The following PTGFRN variants were observed in gnomAD, a reference collection of about 807,000 sequenced individuals.
The protein encoded by PTGFRN is prostaglandin F2 receptor negative regulator.
A neutral mutation model predicts 83.2 loss-of-function variants in PTGFRN; 35 were observed. The ratio of observed to expected loss-of-function variants is 0.42; its 90% CI spans 0.32 to 0.56. The LOEUF (loss-of-function observed/expected upper bound fraction) is 0.56, where lower values mean the gene tolerates loss of function less well. Among genes scored for constraint, PTGFRN ranks in the 20% least tolerant of loss-of-function variants. PTGFRN has a pLI of 0.11. For missense variants in PTGFRN, 1,051 were observed against 1,179.5 expected, an observed-to-expected ratio of 0.89 and a Z score of 1.60; for synonymous variants, 519 against 498.6, an observed-to-expected ratio of 1.04 and a Z score of -0.55.
intron 1 of PTGFRN, among the ~76,000 whole-genome samples, chr1:116,913,109 C>T (rs983922106): frequency 3.3e-5 from 5 of 152,264 alleles, no homozygotes; most frequent in Admixed American, 6.5e-5. Context: ...TCTCCCTGAG[C>T]GGCTGGTGGG....
intron 3 of PTGFRN, among the ~76,000 whole-genome samples, chr1:116,947,539 G>A (rs938301355): frequency 5.3e-5 from 8 of 152,192 alleles, no homozygotes; most frequent in Non-Finnish European, 1.2e-4. Context: ...AAATTACAAA[G>A]TGAACTACAC....
intron 3 of PTGFRN, among the ~76,000 whole-genome samples, chr1:116,946,715 C>A (rs1176073053): frequency 6.6e-6 from 1 of 152,104 alleles, no homozygotes; most frequent in Non-Finnish European, 1.5e-5. Context: ...AACCTACAGA[C>A]CTTTTCTCAG....
At chr1:116,968,149 G>A (rs1022478862) in intron 6 of PTGFRN, among the ~76,000 whole-genome samples, 2 of 152,148 alleles carry the variant, frequency 1.3e-5, no homozygotes, top group African/African-American at 4.8e-5. Context: ...GAATATGAAT[G>A]CAAAGGATTA....
chr1:116,949,594 T>C, intron 4 of PTGFRN, 22 bp downstream of exon 4: 3 of 1,595,060 alleles, frequency 1.9e-6, no homozygotes, highest in Non-Finnish European at 2.6e-6. Flanking sequence ...GGAGAATGAC[T>C]CTTAACCTCT....
chr1:116,917,224 C>T (rs781698798), intron 1 of PTGFRN, among the ~76,000 whole-genome samples: 6 of 152,148 alleles, frequency 3.9e-5, no homozygotes, highest in Admixed American at 2.0e-4. Flanking sequence ...GAGTCAGAAA[C>T]GATCGCCCAC....
At chr1:116,967,401 A>C in intron 6 of PTGFRN, 71 bp downstream of exon 6, 1 of 1,456,162 alleles carries the variant, frequency 6.9e-7, no homozygotes, top group Non-Finnish European at 9.3e-7. Flanking sequence ...AGATGCCCTC[A>C]TTTTTTAAAA....
At chr1:116,967,429 A>G (rs1650873297) in intron 6 of PTGFRN, 99 bp downstream of exon 6, 3 of 1,220,522 alleles carry the variant, frequency 2.5e-6, no homozygotes, top group East Asian at 2.4e-5. Flanking sequence ...GTTAAGATGC[A>G]ATTCATATGC....
At chr1:116,924,080 G>A (rs1251358736) in intron 1 of PTGFRN, among the ~76,000 whole-genome samples, 2 of 151,814 alleles carry the variant, frequency 1.3e-5, no homozygotes, top group Non-Finnish European at 2.9e-5. Flanking sequence ...TGCAGAAAAG[G>A]TAAGTATGAT....
At chr1:116,939,821 AT>A (rs1650017266) in intron 1 of PTGFRN, among the ~76,000 whole-genome samples, 1 of 152,190 alleles carries the variant, frequency 6.6e-6, no homozygotes, top group Non-Finnish European at 1.5e-5. Context: ...CTGCTTAGAA[AT>A]TTCTTCCACC....
chr1:116,935,313 C>T (rs1186821111), intron 1 of PTGFRN, among the ~76,000 whole-genome samples: 1 of 152,142 alleles, frequency 6.6e-6, no homozygotes, highest in Non-Finnish European at 1.5e-5. Flanking sequence ...GCTTTCTAGC[C>T]TGCACCACTT....
chr1:116,933,324 G>A (rs1260474008), intron 1 of PTGFRN, among the ~76,000 whole-genome samples: 1 of 151,664 alleles, frequency 6.6e-6, no homozygotes, highest in East Asian at 1.9e-4. Flanking sequence ...ATCTGTTAGT[G>A]TTTACTAGTG....
intron 1 of PTGFRN, among the ~76,000 whole-genome samples, chr1:116,939,923 C>T (rs1002397018): frequency 2.0e-5 from 3 of 152,196 alleles, no homozygotes; most frequent in Non-Finnish European, 4.4e-5. Context: ...TAAAACATAA[C>T]AAGAGTCACC....
chr1:116,978,095 C>T (rs919453880), intron 7 of PTGFRN, among the ~76,000 whole-genome samples: 4 of 152,200 alleles, frequency 2.6e-5, no homozygotes, highest in Admixed American at 6.5e-5. Context: ...CTATAAATAC[C>T]TCTACGCAAA....
chr1:116,913,647 G>A (rs1570640678), intron 1 of PTGFRN, among the ~76,000 whole-genome samples: 1 of 152,266 alleles, frequency 6.6e-6, no homozygotes, highest in Middle Eastern at 3.4e-3. Context: ...GGGGGCAGGG[G>A]CCACGTTGAT....
intron 1 of PTGFRN, among the ~76,000 whole-genome samples, chr1:116,914,998 AT>A (rs1649365579): frequency 6.6e-6 from 1 of 152,146 alleles, no homozygotes; most frequent in African/African-American, 2.4e-5. Flanking sequence ...GAAAGTCACT[AT>A]TTTGTCTTTA....
chr1:116,911,631 C>G (rs866368881), intron 1 of PTGFRN, among the ~76,000 whole-genome samples: 19 of 152,344 alleles, frequency 1.2e-4, no homozygotes, highest in South Asian at 4.1e-4. Context: ...TTTCTATAGT[C>G]CCTGATCCTA....
chr1:116,937,615 T>C (rs1174193128), intron 1 of PTGFRN, among the ~76,000 whole-genome samples: 3 of 152,164 alleles, frequency 2.0e-5, no homozygotes, highest in African/African-American at 4.8e-5. Flanking sequence ...GACAAGGAGA[T>C]GAATCAGTTT....
At chr1:116,969,559 A>G (rs1220696576) in intron 6 of PTGFRN, among the ~76,000 whole-genome samples, 2 of 152,076 alleles carry the variant, frequency 1.3e-5, no homozygotes, top group African/African-American at 4.8e-5. Flanking sequence ...TTCTTTTTCA[A>G]GATTGTTTTG....
rs1650280695 is a variant in PTGFRN at position 116,949,386 on chromosome 1, T to C, written c.1027T>C (p.Ser343Pro). 1.9e-6 allele frequency: 3 copies of C among 1,614,266 alleles called. No homozygotes were observed. Among genetic ancestry groups the C allele is most frequent in the Non-Finnish European group, 2.5e-6 (3 of 1,180,042 alleles). ...RLDRDSLVHS[S>P]PHVALSHVDA... ...TGACCGTGATTCCCTGGTGCACAGC[T>C]CGCCTCATGTTGCTTTGAGTCATGT... Residue 343 changes from serine (S) to proline (P), a missense_variant, in exon 4 of 9, where the codon TCG (serine) becomes CCG (proline). Ser to Pro is a moderately conservative substitution (Grantham distance 74). Around this residue, in one of 3 missense-constraint regions of PTGFRN, gnomAD observed 719 missense variants for 836.6 expected, o/e 0.86. Transcript: ENST00000393203.
Sources: gnomAD v4.1 joint callset for allele counts (sites outside exome capture counted in the v4.1 genomes callset) on GRCh38, gnomAD v4.1.1 for gene constraint, gnomAD v4.1.1 regional missense constraint, MANE v1.5 for transcripts, NCBI Gene and HGNC (gene_info 2026-07-23, HGNC 2026-07-21) for gene names.